Variants in BBX observed in about 807,000 individuals in gnomAD.
BBX encodes the protein BBX high mobility group box domain containing, also known as HMG box transcription factor BBX.
A neutral mutation model predicts 100.2 loss-of-function variants in BBX; 30 were observed. The ratio of observed to expected loss-of-function variants is 0.30; its 90% CI spans 0.22 to 0.41. The LOEUF (loss-of-function observed/expected upper bound fraction) is 0.41, where lower values mean the gene tolerates loss of function less well. Ranked by LOEUF, BBX falls within the 10% of genes least tolerant of loss-of-function variation. The pLI is 1.00. For synonymous variants in BBX, 376 were observed against 388.1 expected (o/e 0.97, Z 0.37); for missense variants, 1,023 against 1,129.8 (o/e 0.91, Z 1.35).
At chr3:107,641,105 G>T (rs555285085) in intron 2 of BBX, among the ~76,000 whole-genome samples, 8 of 130,160 alleles carry the variant, frequency 6.1e-5, no homozygotes, top group Non-Finnish European at 4.8e-5. Context: ...TTTTTTTTGA[G>T]ACTGAATCTC....
intron 3 of BBX, among the ~76,000 whole-genome samples, chr3:107,700,034 G>T (rs181444222): frequency 6.6e-6 from 1 of 152,116 alleles, no homozygotes; most frequent in African/African-American, 2.4e-5. Flanking sequence ...CTGGTTCTTG[G>T]ATCCTAGCTG....
intron 10 of BBX, among the ~76,000 whole-genome samples, chr3:107,765,778 G>A (rs1320016640): frequency 6.6e-6 from 1 of 152,228 alleles, no homozygotes; most frequent in African/African-American, 2.4e-5. Context: ...ACTGGGGAAT[G>A]GGAGGATGGG....
At chr3:107,680,698 G>A (rs1050456567) in intron 3 of BBX, among the ~76,000 whole-genome samples, 1 of 152,142 alleles carries the variant, frequency 6.6e-6, no homozygotes, top group African/African-American at 2.4e-5. Context: ...GGTCCGTTAA[G>A]ACATGCTGCC....
At chr3:107,657,701 G>A (rs2058228255) in intron 3 of BBX, among the ~76,000 whole-genome samples, 2 of 152,026 alleles carry the variant, frequency 1.3e-5, no homozygotes, top group African/African-American at 4.8e-5. Flanking sequence ...GGTGAAGTTT[G>A]GGATGGATTG....
At chr3:107,795,515 C>T (rs1283038230) in intron 15 of BBX, among the ~76,000 whole-genome samples, 1 of 151,978 alleles carries the variant, frequency 6.6e-6, no homozygotes. Flanking sequence ...TCTGCAGGGC[C>T]CATCATTGCA....
At chr3:107,651,787 T>C (rs1027493571) in intron 3 of BBX, among the ~76,000 whole-genome samples, 22 of 152,190 alleles carry the variant, frequency 1.4e-4, no homozygotes, top group Non-Finnish European at 2.8e-4. Flanking sequence ...TTTTTTCCCC[T>C]TTTTTCTCTG....
rs980029931 is a variant in BBX, at chr3:107,523,226, C to T, written c.-156+119C>T. The T allele has an allele frequency of 3.6e-4, 81 of 221,946 alleles. 1 individual carries two copies. Among genetic ancestry groups the T allele is most frequent in the Non-Finnish European group, 1.2e-4 (13 of 109,194 alleles). The allele number at this position is 221,946 out of a possible 1,614,324, so 13.7% of individuals were successfully genotyped here. ...GACTCCGCGGCAGGAGCAGCGGCGG[C>T]GGCGGCGGCGGCGGCGGCGGCAGCC... is the stretch of plus-strand genomic sequence containing the variant. On this transcript the variant is annotated intron_variant, in intron 1 of 17. Coordinates refer to ENST00000325805, the MANE Select transcript of BBX (RefSeq NM_001142568.3).
chr3:107,633,260 A>G (rs140920458), intron 2 of BBX, among the ~76,000 whole-genome samples: 78 of 152,146 alleles, frequency 5.1e-4, no homozygotes, highest in Non-Finnish European at 1.0e-3. Context: ...AACAGTTTCA[A>G]TTTAGTGCAA....
intron 6 of BBX, among the ~76,000 whole-genome samples, chr3:107,729,824 CTT>C: frequency 6.6e-6 from 1 of 151,788 alleles, no homozygotes; most frequent in South Asian, 2.1e-4. Flanking sequence ...TGTGATAACA[CTT>C]TTTTTTTGAA....
intron 2 of BBX, among the ~76,000 whole-genome samples, chr3:107,615,149 C>G (rs964743928): frequency 6.6e-6 from 1 of 152,144 alleles, no homozygotes; most frequent in Non-Finnish European, 1.5e-5. Context: ...ATTGGTGTTT[C>G]AACAAGCTGG....
At chr3:107,688,330 G>A (rs1180746439) in intron 3 of BBX, among the ~76,000 whole-genome samples, 1 of 152,202 alleles carries the variant, frequency 6.6e-6, no homozygotes, top group Non-Finnish European at 1.5e-5. Flanking sequence ...TAACTGAACA[G>A]TTCTTTTCAG....
intron 3 of BBX, among the ~76,000 whole-genome samples, chr3:107,657,987 A>T (rs1371668245): frequency 2.0e-5 from 3 of 152,140 alleles, no homozygotes; most frequent in Non-Finnish European, 4.4e-5. Flanking sequence ...TTCAAGATTG[A>T]CAGTATTGAA....
At chr3:107,671,793 C>T (rs2059033283) in intron 3 of BBX, among the ~76,000 whole-genome samples, 1 of 152,046 alleles carries the variant, frequency 6.6e-6, no homozygotes, top group Non-Finnish European at 1.5e-5. Context: ...GTTGATGAGT[C>T]TCTGACATAA....
intron 7 of BBX, among the ~76,000 whole-genome samples, chr3:107,738,443 A>G (rs377636489): frequency 2.6e-5 from 4 of 152,276 alleles, no homozygotes; most frequent in African/African-American, 9.6e-5. Flanking sequence ...TCCAAGGCTC[A>G]ATTCTTAAGT....
At chr3:107,746,610 C>G (rs1460176640) in intron 8 of BBX, among the ~76,000 whole-genome samples, 1 of 151,892 alleles carries the variant, frequency 6.6e-6, no homozygotes, top group Non-Finnish European at 1.5e-5. Flanking sequence ...CTCAGTCAGT[C>G]TCTCTACTAA....
chr3:107,784,577 A>C (rs1340898579), intron 13 of BBX, among the ~76,000 whole-genome samples: 1 of 151,998 alleles, frequency 6.6e-6, no homozygotes, highest in East Asian at 1.9e-4. Context: ...AAGAAATCAA[A>C]GAGAAATCAG....
At chr3:107,637,466 G>T (rs1451303372) in intron 2 of BBX, among the ~76,000 whole-genome samples, 1 of 152,202 alleles carries the variant, frequency 6.6e-6, no homozygotes, top group African/African-American at 2.4e-5. Flanking sequence ...AGATCAAACG[G>T]ATTGATCATA....
chr3:107,536,558 A>T (rs549666603), intron 2 of BBX, among the ~76,000 whole-genome samples: 27 of 152,162 alleles, frequency 1.8e-4, no homozygotes, highest in Non-Finnish European at 4.4e-5. Flanking sequence ...CCTCCAAAAA[A>T]CACCATTCAC....
At chr3:107,769,147 A>C (rs1013620737) in intron 10 of BBX, among the ~76,000 whole-genome samples, 4 of 151,536 alleles carry the variant, frequency 2.6e-5, no homozygotes, top group African/African-American at 9.7e-5. Flanking sequence ...CAGGCTACAT[A>C]ATAGAGCACG....
Sources: gnomAD v4.1 joint callset for allele counts (sites outside exome capture counted in the v4.1 genomes callset) on GRCh38, gnomAD v4.1.1 for gene constraint, MANE v1.5 for transcripts, NCBI Gene and HGNC (gene_info 2026-07-23, HGNC 2026-07-21) for gene names.